CORO2B: variants seen among roughly 807,000 people sequenced by gnomAD.
CORO2B encodes coronin 2B, also known as coronin-2B.
Under a neutral mutation model 58.8 loss-of-function variants are expected in CORO2B, and 26 were observed. The ratio of observed to expected loss-of-function variants is 0.44; its 90% CI spans 0.32 to 0.61. The LOEUF is 0.61. Among genes scored for constraint, CORO2B ranks in the 20% least tolerant of loss-of-function variants. The pLI is 0.04. For missense variants in CORO2B, 460 were observed against 645.1 expected, an observed-to-expected ratio of 0.71 and a Z score of 3.11; for synonymous variants, 242 against 253.8, an observed-to-expected ratio of 0.95 and a Z score of 0.44.
intron 11 of CORO2B, among the ~76,000 whole-genome samples, chr15:68,720,322 G>A (rs1893131986): frequency 6.6e-6 from 1 of 152,184 alleles, no homozygotes; most frequent in Non-Finnish European, 1.5e-5. Flanking sequence ...ATTCATAAGT[G>A]TCTAGCACTC....
At chr15:68,684,302 A>G (rs919718003) in intron 2 of CORO2B, among the ~76,000 whole-genome samples, 1 of 152,190 alleles carries the variant, frequency 6.6e-6, no homozygotes, top group African/African-American at 2.4e-5. Flanking sequence ...GGAGAAATGG[A>G]CTAACCCAAT....
At chr15:68,641,574 A>G (rs939350424) in intron 1 of CORO2B, 19 of 985,200 alleles carry the variant, frequency 1.9e-5, no homozygotes, top group Middle Eastern at 5.2e-4. Flanking sequence ...TGAGCGCTCC[A>G]CCTGGGGAAC....
At chr15:68,671,218 A>G (rs573511347) in intron 2 of CORO2B, among the ~76,000 whole-genome samples, 1 of 152,234 alleles carries the variant, frequency 6.6e-6, no homozygotes, top group Non-Finnish European at 1.5e-5. Flanking sequence ...CCACGACATA[A>G]TAGGAATTAT....
At chr15:68,706,752 C>T (rs1174622713) in intron 3 of CORO2B, among the ~76,000 whole-genome samples, 1 of 152,080 alleles carries the variant, frequency 6.6e-6, no homozygotes, top group Non-Finnish European at 1.5e-5. Flanking sequence ...CTCTGTCACC[C>T]ACACTAAAGT....
intron 1 of CORO2B, among the ~76,000 whole-genome samples, chr15:68,638,732 G>C (rs1227747248): frequency 6.6e-6 from 1 of 152,226 alleles, no homozygotes; most frequent in African/African-American, 2.4e-5. Context: ...CTTTGGACAA[G>C]TCTCTTTTAA....
intron 2 of CORO2B, among the ~76,000 whole-genome samples, chr15:68,648,862 TA>T (rs1901542885): frequency 6.6e-6 from 1 of 152,228 alleles, no homozygotes. Flanking sequence ...CAATTTCTAC[TA>T]ATATTTAAAG....
At chr15:68,531,551 G>A in the CORO2B span, among the ~76,000 whole-genome samples, 1,288 of 37,698 alleles carry the variant, frequency 0.034, 26 homozygotes, top group Non-Finnish European at 0.048. Flanking sequence ...AAGGAAGGAA[G>A]GAAGGAAAGA....
At chr15:68,524,817 A>G in the CORO2B span, among the ~76,000 whole-genome samples, 24 of 152,182 alleles carry the variant, frequency 1.6e-4, no homozygotes, top group Non-Finnish European at 2.9e-4. Context: ...GTCTAAATAC[A>G]CAGTAGATGC....
At chr15:68,639,835 T>C (rs1901151906) in intron 1 of CORO2B, among the ~76,000 whole-genome samples, 1 of 152,236 alleles carries the variant, frequency 6.6e-6, no homozygotes, top group Non-Finnish European at 1.5e-5. Flanking sequence ...TCTTGCGCCT[T>C]GTGCTCATTG....
chr15:68,693,920 C>T (rs1939633610), intron 2 of CORO2B, among the ~76,000 whole-genome samples: 1 of 152,216 alleles, frequency 6.6e-6, no homozygotes, highest in South Asian at 2.1e-4. Context: ...ACCGCAACCT[C>T]CGCCTCCTGG....
At chr15:68,614,898 T>C (rs886087345) in intron 1 of CORO2B, among the ~76,000 whole-genome samples, 2 of 152,238 alleles carry the variant, frequency 1.3e-5, no homozygotes, top group African/African-American at 4.8e-5. Flanking sequence ...CCATGTATTA[T>C]GCAGCAGCAG....
In CORO2B at chr15:68,711,676, G is replaced by A. The variant is rs1423768899; in HGVS notation, c.618G>A (p.Val206=). Residue 206 remains valine (V), a synonymous_variant, in exon 5 of 12, where the codon GTG becomes GTA. Coordinates refer to ENST00000261861, the MANE Select transcript of CORO2B (RefSeq NM_006091.5). ...CGTGCAAGGACAAGAAGCTGCGTGTGATTGAGCCCCGCTCTGGCCGTGTTC... is the reference window on the plus strand; with the variant it reads ...CGTGCAAGGACAAGAAGCTGCGTGTAATTGAGCCCCGCTCTGGCCGTGTTC... ...TTTCKDKKLR[V]IEPRSGRVLQ... is the part of the protein sequence containing the mutation. The A allele has an allele frequency of 1.2e-6, 2 of 1,614,102 alleles. No homozygotes were observed. Among genetic ancestry groups the A allele is most frequent in the African/African-American group, 2.7e-5 (2 of 75,056 alleles).
intron 3 of CORO2B, among the ~76,000 whole-genome samples, chr15:68,695,928 G>C (rs1198766148): frequency 6.6e-6 from 1 of 151,922 alleles, no homozygotes; most frequent in Non-Finnish European, 1.5e-5. Flanking sequence ...AATTTAGAGA[G>C]GGGGATAAAG....
intron 1 of CORO2B, among the ~76,000 whole-genome samples, chr15:68,585,941 G>C (rs1337014856): frequency 6.6e-6 from 1 of 152,250 alleles, no homozygotes; most frequent in East Asian, 1.9e-4. Flanking sequence ...CCATTTCCAT[G>C]AGGCTAGCTT....
chr15:68,555,766 A>T, the CORO2B span, among the ~76,000 whole-genome samples: 1 of 151,502 alleles, frequency 6.6e-6, no homozygotes, highest in East Asian at 1.9e-4. Flanking sequence ...GTCTGGGGGA[A>T]GTGGCCCCTC....
chr15:68,617,255 G>A (rs1595970542), intron 1 of CORO2B, among the ~76,000 whole-genome samples: 1 of 152,226 alleles, frequency 6.6e-6, no homozygotes, highest in South Asian at 2.1e-4. Flanking sequence ...GCAATGAGGA[G>A]GAGACAGGTG....
chr15:68,619,714 T>A (rs758440612), intron 1 of CORO2B, among the ~76,000 whole-genome samples: 2 of 151,894 alleles, frequency 1.3e-5, no homozygotes, highest in African/African-American at 2.4e-5. Context: ...TGTGTACCCA[T>A]ACATATATGT....
At chr15:68,595,760 C>G (rs1899810232) in intron 1 of CORO2B, among the ~76,000 whole-genome samples, 1 of 152,240 alleles carries the variant, frequency 6.6e-6, no homozygotes, top group South Asian at 2.1e-4. Context: ...CCAATTTCCC[C>G]AGCCTTTAAG....
chr15:68,696,749 A>T (rs1465790256), intron 3 of CORO2B, among the ~76,000 whole-genome samples: 1 of 152,122 alleles, frequency 6.6e-6, no homozygotes, highest in Non-Finnish European at 1.5e-5. Flanking sequence ...AGCTTGGAAG[A>T]AAGAGGAGAT....
Sources: gnomAD v4.1 joint callset for allele counts (sites outside exome capture counted in the v4.1 genomes callset) on GRCh38, gnomAD v4.1.1 for gene constraint, MANE v1.5 for transcripts, NCBI Gene and HGNC (gene_info 2026-07-23, HGNC 2026-07-21) for gene names.